The following IBTK variants were observed in gnomAD, a reference collection of about 807,000 sequenced individuals.
IBTK encodes the protein inhibitor of Bruton tyrosine kinase.
A neutral mutation model predicts 154.9 loss-of-function variants in IBTK; 83 were observed. That is an observed-to-expected ratio of 0.54 (90% CI 0.45 to 0.64). The LOEUF (loss-of-function observed/expected upper bound fraction) is 0.64, where lower values mean the gene tolerates loss of function less well. Among genes scored for constraint, IBTK ranks in the 30% least tolerant of loss-of-function variants. The pLI, the probability that IBTK is intolerant of heterozygous loss-of-function variation, is 0.00. For synonymous variants in IBTK, 515 were observed against 536.1 expected (o/e 0.96, Z 0.54); for missense variants, 1,332 against 1,584.6 (o/e 0.84, Z 2.71).
At chr6:82,223,194 C>T (rs115958020) in intron 8 of IBTK, among the ~76,000 whole-genome samples, 2 of 152,006 alleles carry the variant, frequency 1.3e-5, no homozygotes, top group Non-Finnish European at 2.9e-5. Flanking sequence ...ATATATAGCT[C>T]ATATTTAACT....
chr6:82,179,435 C>G (rs746280932), intron 26 of IBTK, among the ~76,000 whole-genome samples: 8 of 152,140 alleles, frequency 5.3e-5, no homozygotes, highest in Non-Finnish European at 1.2e-4. Context: ...ATAATTAAGT[C>G]TAAAGTTCAG....
At chr6:82,210,271 T>C (rs1405455111) in intron 16 of IBTK, 3 of 151,496 alleles carry the variant, frequency 2.0e-5, no homozygotes, top group African/African-American at 4.8e-5. Flanking sequence ...ATCTCCATCA[T>C]AGAAGTAGCT....
intron 21 of IBTK, among the ~76,000 whole-genome samples, chr6:82,199,770 G>C (rs1769130926): frequency 6.6e-6 from 1 of 152,084 alleles, no homozygotes; most frequent in Non-Finnish European, 1.5e-5. Context: ...TCCAAAATCT[G>C]ACCCTATCCA....
At chr6:82,212,375 T>C (rs1235792791) in intron 13 of IBTK, among the ~76,000 whole-genome samples, 1 of 152,172 alleles carries the variant, frequency 6.6e-6, no homozygotes, top group Non-Finnish European at 1.5e-5. Flanking sequence ...ATAACAATGA[T>C]GAAGAGGTAT....
chr6:82,234,223 T>A lies in IBTK; in HGVS notation c.354A>T (p.Glu118Asp), dbSNP rs746551318. Residue 118 changes from glutamate (E) to aspartate (D), a missense_variant, in exon 3 of 29, where the codon GAA (glutamate) becomes GAT (aspartate). This residue lies in a region of IBTK where 114 missense variants were observed against 213.7 expected (regional missense o/e 0.53). Coordinates refer to ENST00000306270, the MANE Select transcript of IBTK (RefSeq NM_015525.4). ...TTACAAGATCCAAAGCTGACAAGCCTTCTTTATCTTGAATATACAGACTAA... is the reference window on the plus strand; with the variant it reads ...TTACAAGATCCAAAGCTGACAAGCCATCTTTATCTTGAATATACAGACTAA... ...HGVSLYIQDK[E>D]GLSALDLVMK... 6 of 1,602,016 alleles carry A rather than the reference T, an allele frequency of 3.7e-6. No individual in the cohort carries two copies. In the Admixed American group the frequency reaches 1.0e-4, roughly 27 times the overall value.
chr6:82,199,899 T>A (rs1769136749), intron 21 of IBTK, among the ~76,000 whole-genome samples: 1 of 152,202 alleles, frequency 6.6e-6, no homozygotes, highest in Admixed American at 6.5e-5. Flanking sequence ...TTTTCTTAGA[T>A]AACTTCATTC....
intron 26 of IBTK, among the ~76,000 whole-genome samples, chr6:82,180,676 G>T (rs197252): frequency 0.98 from 149,794 of 152,320 alleles, 73,662 homozygotes; most frequent in East Asian, 1. Context: ...AGAACTTTCC[G>T]CCTAAATCTA....
chr6:82,200,009 G>A, intron 21 of IBTK, 132 bp downstream of exon 21: 3 of 612,698 alleles, frequency 4.9e-6, no homozygotes, highest in Admixed American at 6.1e-5. Flanking sequence ...ACTTCAACTG[G>A]AGTACTTACA....
At chr6:82,232,737 C>T (rs749047848) in intron 3 of IBTK, among the ~76,000 whole-genome samples, 3 of 152,108 alleles carry the variant, frequency 2.0e-5, no homozygotes, top group Non-Finnish European at 2.9e-5. Flanking sequence ...TAATTGGAGC[C>T]GGGCACAGTG....
At chr6:82,185,184 G>GAAAAAAAAAA (rs1196015823) in intron 25 of IBTK, among the ~76,000 whole-genome samples, 7 of 37,808 alleles carry the variant, frequency 1.9e-4, no homozygotes, top group Admixed American at 3.2e-4. Context: ...CTCTGTCTCA[G>GAAAAAAAAAA]AAAAAAAAAA....
At chr6:82,215,194 T>C (rs1674163875) in intron 11 of IBTK, among the ~76,000 whole-genome samples, 1 of 152,142 alleles carries the variant, frequency 6.6e-6, no homozygotes, top group Admixed American at 6.5e-5. Flanking sequence ...ACTGACGAGT[T>C]TCTCAGATGA....
chr6:82,193,001 G>A (rs1768833057), intron 23 of IBTK, among the ~76,000 whole-genome samples: 1 of 151,756 alleles, frequency 6.6e-6, no homozygotes, highest in Non-Finnish European at 1.5e-5. Context: ...GGGAGGTTGA[G>A]GCAGGAGAAT....
chr6:82,229,443 G>A (rs1180854481), intron 4 of IBTK, among the ~76,000 whole-genome samples: 2 of 152,120 alleles, frequency 1.3e-5, no homozygotes, highest in Non-Finnish European at 2.9e-5. Context: ...AACAGCTCAT[G>A]AAATAAAGGT....
In IBTK at chr6:82,214,109, C is replaced by T. The variant is rs1769765656; in HGVS notation, c.2204+118G>A. 1.3e-5 allele frequency: 13 copies of T among 989,394 alleles called. No homozygotes were observed. In the South Asian group the frequency reaches 1.9e-4, roughly 15 times the overall value. 61.3% of individuals were successfully genotyped at this position (989,394 alleles called of 1,614,324 possible). A position where few individuals can be genotyped will look rare whatever the true frequency, so the allele number is the denominator to read the frequency against. On this transcript the variant is annotated intron_variant, in intron 12 of 28. Coordinates refer to ENST00000306270, the MANE Select transcript of IBTK (RefSeq NM_015525.4). Reference sequence around the variant, plus strand: ...TAGCTGGGACTACAGGCGCCCGCCACCACACCCGGCTAATTTTTTGTATTT... The same window carrying T: ...TAGCTGGGACTACAGGCGCCCGCCATCACACCCGGCTAATTTTTTGTATTT...
At chr6:82,224,700 T>C (rs1159520510) in intron 6 of IBTK, among the ~76,000 whole-genome samples, 2 of 152,220 alleles carry the variant, frequency 1.3e-5, no homozygotes, top group Non-Finnish European at 2.9e-5. Flanking sequence ...CCATGTCCCC[T>C]AACATCAACT....
At chr6:82,219,152 T>A (rs1005489623) in intron 9 of IBTK, among the ~76,000 whole-genome samples, 6 of 152,032 alleles carry the variant, frequency 3.9e-5, no homozygotes, top group African/African-American at 1.5e-4. Flanking sequence ...CAGGGGTACA[T>A]GTGCAGGATG....
chr6:82,185,963 G>C (rs1319385931), intron 25 of IBTK, among the ~76,000 whole-genome samples: 7 of 152,144 alleles, frequency 4.6e-5, no homozygotes, highest in African/African-American at 1.7e-4. Flanking sequence ...AACAATACAT[G>C]CTCACTTTGT....
intron 23 of IBTK, among the ~76,000 whole-genome samples, chr6:82,193,030 A>G (rs9449445): frequency 0.98 from 148,776 of 151,368 alleles, 73,121 homozygotes; most frequent in East Asian, 1. Context: ...CCCAGGAGGC[A>G]GAGGTTGCGG....
Position 82,218,129 on chromosome 6 carries a change from G to A in IBTK, c.1257C>T (p.Cys419=). 1.9e-6 allele frequency: 3 copies of A among 1,557,720 alleles called. No individual in the cohort carries two copies. Among genetic ancestry groups the A allele is most frequent in the Non-Finnish European group, 2.6e-6 (3 of 1,155,504 alleles). Residue 419 remains cysteine (C), a synonymous_variant, in exon 10 of 29, where the codon TGC becomes TGT. Coordinates refer to ENST00000306270, the MANE Select transcript of IBTK (RefSeq NM_015525.4). ...TCAGAGAACTGTTGACTGATCTCCA[G>A]CAAAACACCTAAAACAAAACCAAAT... ...LAMDGAGRVF[C]WRSVNSSLKQ...
Sources: gnomAD v4.1 joint callset for allele counts (sites outside exome capture counted in the v4.1 genomes callset) on GRCh38, gnomAD v4.1.1 for gene constraint, gnomAD v4.1.1 regional missense constraint, MANE v1.5 for transcripts, NCBI Gene and HGNC (gene_info 2026-07-23, HGNC 2026-07-21) for gene names.